IKZF1: variants seen among roughly 807,000 people sequenced by gnomAD.
The protein encoded by IKZF1 is DNA-binding protein Ikaros.
A neutral mutation model predicts 51.7 loss-of-function variants in IKZF1; 10 were observed. That is an observed-to-expected ratio of 0.19 (90% CI 0.12 to 0.33). The LOEUF is 0.33. Among genes scored for constraint, IKZF1 ranks in the 10% least tolerant of loss-of-function variants. The probability of loss-of-function intolerance (pLI) is 1.00; values close to 1 mark genes in which losing one functional copy is unlikely to be tolerated. For synonymous variants in IKZF1, 280 were observed against 282.3 expected, an observed-to-expected ratio of 0.99 and a Z score of 0.08; for missense variants, 484 against 707.5, an observed-to-expected ratio of 0.68 and a Z score of 3.58.
chr7:50,355,668 C>T (rs1204685150), intron 3 of IKZF1, among the ~76,000 whole-genome samples: 2 of 141,516 alleles, frequency 1.4e-5, no homozygotes, highest in African/African-American at 5.2e-5. Flanking sequence ...AAGAAACAGT[C>T]CTCAGAAAGT....
At chr7:50,346,953 C>A (rs143733319) in intron 3 of IKZF1, among the ~76,000 whole-genome samples, 6 of 152,318 alleles carry the variant, frequency 3.9e-5, no homozygotes, top group African/African-American at 1.4e-4. Context: ...TTTGCAGCCA[C>A]GACCCATGTT....
intron 3 of IKZF1, among the ~76,000 whole-genome samples, chr7:50,351,990 C>G (rs1280416298): frequency 6.6e-6 from 1 of 152,214 alleles, no homozygotes; most frequent in African/African-American, 2.4e-5. Flanking sequence ...TGGGCACACA[C>G]AGTAAATTAT....
At chr7:50,363,168 G>T (rs1230588302) in intron 3 of IKZF1, among the ~76,000 whole-genome samples, 2 of 152,128 alleles carry the variant, frequency 1.3e-5, no homozygotes, top group African/African-American at 2.4e-5. Flanking sequence ...TTTGGGTTTG[G>T]GTGTGCATGT....
rs556104903 is a variant in IKZF1, at chr7:50,404,426, C to G, written c.*3799C>G. 1.3e-5 allele frequency: 3 copies of G among 228,492 alleles called. No homozygotes were observed. Among genetic ancestry groups the G allele is most frequent in the African/African-American group, 6.7e-5 (3 of 45,088 alleles). The allele number at this position is 228,492 out of a possible 1,614,324, so 14.2% of individuals were successfully genotyped here. ...TCTGTAGTGATAGAACAAATAAATG[C>G]AACGAATACTCTGTCTGCCCTATCC... On this transcript the variant is annotated 3_prime_UTR_variant, in exon 8 of 8. Coordinates refer to ENST00000331340, the MANE Select transcript of IKZF1 (RefSeq NM_006060.6).
intron 3 of IKZF1, among the ~76,000 whole-genome samples, chr7:50,343,480 C>T (rs80074615): frequency 0.025 from 3,847 of 152,144 alleles, 70 homozygotes; most frequent in Middle Eastern, 0.044. Flanking sequence ...AATGGTACAG[C>T]GGGGAGTAAC....
chr7:50,325,517 G>A (rs1794721896), intron 2 of IKZF1, among the ~76,000 whole-genome samples: 1 of 152,192 alleles, frequency 6.6e-6, no homozygotes, highest in South Asian at 2.1e-4. Context: ...GCTCATGCCT[G>A]TAATCCCAGC....
chr7:50,395,149 C>A (rs1435218403), intron 7 of IKZF1, among the ~76,000 whole-genome samples: 1 of 152,100 alleles, frequency 6.6e-6, no homozygotes, highest in Admixed American at 6.5e-5. Flanking sequence ...AACCCAACAT[C>A]CAGAAATTAC....
chr7:50,354,691 G>T (rs1324431196), intron 3 of IKZF1, among the ~76,000 whole-genome samples: 1 of 152,020 alleles, frequency 6.6e-6, no homozygotes, highest in African/African-American at 2.4e-5. Context: ...TAGCATTTCT[G>T]CTTGTCTTTT....
At chr7:50,386,634 T>A (rs1813459504) in intron 5 of IKZF1, among the ~76,000 whole-genome samples, 1 of 152,028 alleles carries the variant, frequency 6.6e-6, no homozygotes, top group Non-Finnish European at 1.5e-5. Context: ...AAAATACATA[T>A]ACATATAAAT....
chr7:50,334,251 C>T (rs901790367), intron 3 of IKZF1, among the ~76,000 whole-genome samples: 2 of 152,098 alleles, frequency 1.3e-5, no homozygotes, highest in African/African-American at 4.8e-5. Flanking sequence ...TGGAATAGAC[C>T]GGTGAGATCA....
In IKZF1 at chr7:50,401,157, C is replaced by T. The variant is rs1027428728; in HGVS notation, c.*530C>T. Reference sequence around the variant, plus strand: ...CACAGCAGGGCCAACAACCTGTGCCCAGGCCAGCTTCGAGCTACATGCATC... The same window carrying T: ...CACAGCAGGGCCAACAACCTGTGCCTAGGCCAGCTTCGAGCTACATGCATC... On this transcript the variant is annotated 3_prime_UTR_variant, in exon 8 of 8. Transcript: ENST00000331340. 2 of 243,556 alleles carry T rather than the reference C, an allele frequency of 8.2e-6. No homozygotes were observed. The highest frequency in any genetic ancestry group is 4.4e-5 in the African/African-American group (2 of 45,322). 15.1% of individuals were successfully genotyped at this position (243,556 alleles called of 1,614,324 possible). A position where few individuals can be genotyped will look rare whatever the true frequency, so the allele number is the denominator to read the frequency against.
At chr7:50,386,499 A>G (rs1389273683) in intron 5 of IKZF1, among the ~76,000 whole-genome samples, 1 of 152,232 alleles carries the variant, frequency 6.6e-6, no homozygotes, top group Non-Finnish European at 1.5e-5. Flanking sequence ...CTGATCTGGA[A>G]GCTACACCAT....
At chr7:50,349,227 G>A (rs1235855632) in intron 3 of IKZF1, among the ~76,000 whole-genome samples, 2 of 152,186 alleles carry the variant, frequency 1.3e-5, no homozygotes, top group Admixed American at 6.5e-5. Context: ...ACATGTTGGT[G>A]TTGTGTTCTA....
intron 2 of IKZF1, among the ~76,000 whole-genome samples, chr7:50,322,502 A>G (rs956528747): frequency 3.3e-5 from 5 of 152,190 alleles, no homozygotes; most frequent in East Asian, 1.9e-4. Flanking sequence ...TAGACACTCC[A>G]TAAGTGTTTA....
Position 50,402,369 on chromosome 7 carries a change from T to C in IKZF1, c.*1742T>C, listed in dbSNP as rs1818280901. 1 of 230,302 alleles carries C rather than the reference T, an allele frequency of 4.3e-6. No homozygotes were observed. The highest frequency in any genetic ancestry group is 8.6e-6 in the Non-Finnish European group (1 of 116,176). The allele number at this position is 230,302 out of a possible 1,614,324, so 14.3% of individuals were successfully genotyped here. A position where few individuals can be genotyped will look rare whatever the true frequency, so the allele number is the denominator to read the frequency against. On this transcript the variant is annotated 3_prime_UTR_variant, in exon 8 of 8. Coordinates refer to ENST00000331340, the MANE Select transcript of IKZF1 (RefSeq NM_006060.6). ...CTACTTATTTGTTAGGCGGGAGCTC[T>C]CCTGTGCATTGTAGGATAATTAGCA...
intron 3 of IKZF1, chr7:50,328,077 A>C (rs1795543041): frequency 8.6e-6 from 2 of 232,626 alleles, no homozygotes; most frequent in South Asian, 2.1e-4. Context: ...TATGGATTGT[A>C]GATCGTGAAA....
At chr7:50,368,319 G>A (rs934391085) in intron 3 of IKZF1, 11 of 703,230 alleles carry the variant, frequency 1.6e-5, no homozygotes, top group Non-Finnish European at 2.6e-5. Context: ...TAGCACTGAT[G>A]GGATTGTTAC....
rs373882657 is a variant in IKZF1, at chr7:50,356,512, CTG to C, written c.161-20015_161-20014del. On this transcript the variant is annotated intron_variant, in intron 3 of 7. Transcript: ENST00000331340. ...TTTGTGCCTGTGTTTCTGTGTGTGTCTGTGTGTACATGTGTGTCTGTGGGGTG... is the reference window on the plus strand; with the variant it reads ...TTTGTGCCTGTGTTTCTGTGTGTGTCTGTGTACATGTGTGTCTGTGGGGTG... Among the ~76,000 whole-genome samples, 206 of 152,158 alleles carry C rather than the reference CTG, an allele frequency of 1.4e-3. 8 individuals are homozygous for C. The East Asian group carries it at 0.037, about 28-fold the overall frequency.
In IKZF1 at chr7:50,347,749, G is replaced by A. The variant is rs117032309; in HGVS notation, c.160+19992G>A. 5.1e-3 allele frequency among the ~76,000 whole-genome samples: 784 copies of A among 152,234 alleles called. 8 individuals carry two copies. Among genetic ancestry groups the A allele is most frequent in the African/African-American group, 0.018 (748 of 41,518 alleles). ...GGAGCTCAGTTTACATGTTTGACGC[G>A]TGTCACATGATTCCACAAGTCACTC... On this transcript the variant is annotated intron_variant, in intron 3 of 7. Transcript: ENST00000331340.
Sources: allele counts gnomAD v4.1 joint callset (sites outside exome capture counted in the v4.1 genomes callset), GRCh38; gene constraint gnomAD v4.1.1; transcripts MANE v1.5; gene names NCBI Gene and HGNC (gene_info 2026-07-23, HGNC 2026-07-21).